Variants in EXOC4 observed in about 807,000 individuals in gnomAD.
EXOC4 encodes the protein SEC8-like 1.
A neutral mutation model predicts 107.2 loss-of-function variants in EXOC4; 71 were observed. The ratio of observed to expected loss-of-function variants is 0.66; its 90% CI spans 0.55 to 0.81. The LOEUF is 0.81. Among genes scored for constraint, EXOC4 ranks in the 30% least tolerant of loss-of-function variants. The pLI, the probability that EXOC4 is intolerant of heterozygous loss-of-function variation, is 0.00. For missense variants in EXOC4, 1,108 were observed against 1,189.6 expected (o/e 0.93, Z 1.01); for synonymous variants, 456 against 441.2 (o/e 1.03, Z -0.42).
chr7:133,546,205 A>T lies in EXOC4; in HGVS notation c.1417+66067A>T, dbSNP rs539730734. 7.9e-5 allele frequency among the ~76,000 whole-genome samples: 12 copies of T among 151,156 alleles called. No individual in the cohort carries two copies. In the East Asian group the frequency reaches 2.3e-3, roughly 29 times the overall value. Reference sequence around the variant, plus strand: ...TTTTTAAGATCAGATTTATTGATATATAGTTTACATACAGCAAAATTTCAC... The same window carrying T: ...TTTTTAAGATCAGATTTATTGATATTTAGTTTACATACAGCAAAATTTCAC... On this transcript the variant is annotated intron_variant, in intron 9 of 17. Coordinates refer to ENST00000253861, the MANE Select transcript of EXOC4 (RefSeq NM_021807.4).
intron 9 of EXOC4, among the ~76,000 whole-genome samples, chr7:133,513,474 A>G (rs1307160823): frequency 6.6e-6 from 1 of 152,230 alleles, no homozygotes; most frequent in Non-Finnish European, 1.5e-5. Context: ...TAAACATGAT[A>G]CACCTTTTAT....
At chr7:133,740,158 C>T (rs2151127628) in intron 10 of EXOC4, among the ~76,000 whole-genome samples, 1 of 152,212 alleles carries the variant, frequency 6.6e-6, no homozygotes, top group East Asian at 1.9e-4. Context: ...AATAGTAATA[C>T]TTGCTACCCT....
chr7:133,981,977 A>G (rs183969003), intron 14 of EXOC4, among the ~76,000 whole-genome samples: 5 of 152,316 alleles, frequency 3.3e-5, no homozygotes, highest in Non-Finnish European at 7.3e-5. Flanking sequence ...TCTGCAGGCC[A>G]TTATCTTTAG....
At position 133,305,874 on chromosome 7, in the gene EXOC4, C is replaced by T. The variant is rs1794741860; in HGVS notation, c.472-3C>T. 1.3e-6 allele frequency: 2 copies of T among 1,575,524 alleles called. No homozygotes were observed. The highest frequency in any genetic ancestry group is 1.4e-5 in the African/African-American group (1 of 72,730). On this transcript the variant is annotated splice_polypyrimidine_tract_variant and splice_region_variant and intron_variant, in intron 3 of 17. Transcript: ENST00000253861. ...ATTGTCTTTCATTTTTTTCTCTTTT[C>T]AGGTGTCAGCAGTTGAGTCTTTGGA...
At chr7:133,865,223 A>T (rs1433537288) in intron 11 of EXOC4, among the ~76,000 whole-genome samples, 1 of 152,166 alleles carries the variant, frequency 6.6e-6, no homozygotes, top group Non-Finnish European at 1.5e-5. Context: ...CCTTAAAAAA[A>T]ACCACTGTGT....
intron 7 of EXOC4, among the ~76,000 whole-genome samples, chr7:133,423,378 T>C (rs925733217): frequency 1.3e-5 from 2 of 152,222 alleles, no homozygotes; most frequent in African/African-American, 4.8e-5. Flanking sequence ...GCTGCTTAGA[T>C]ATTCTGTGTC....
intron 14 of EXOC4, among the ~76,000 whole-genome samples, chr7:133,940,600 T>C (rs1800403473): frequency 6.6e-6 from 1 of 152,174 alleles, no homozygotes; most frequent in East Asian, 1.9e-4. Flanking sequence ...AAGCCTGGTT[T>C]ATCCTACTAA....
chr7:133,288,093 A>C (rs1334407198), intron 2 of EXOC4, among the ~76,000 whole-genome samples: 1 of 152,234 alleles, frequency 6.6e-6, no homozygotes, highest in Non-Finnish European at 1.5e-5. Flanking sequence ...ATAAAAATAC[A>C]TGTGAGGACT....
rs181729328 is a variant in EXOC4, at chr7:133,425,960, G to A, written c.1183-49368G>A. ...TATTTCCTAAATGTATTTGATTGAC[G>A]TCTGATGCCTCCCTGAAATGTGTAA... On this transcript the variant is annotated intron_variant, in intron 7 of 17. Transcript: ENST00000253861. Among the ~76,000 whole-genome samples, 5 of 152,278 alleles carry A rather than the reference G, an allele frequency of 3.3e-5. No homozygotes were observed. In the East Asian group the frequency reaches 7.7e-4, roughly 24 times the overall value.
At chr7:134,007,989 T>C (rs867392623) in intron 17 of EXOC4, 154 bp downstream of exon 17, 1 of 649,768 alleles carries the variant, frequency 1.5e-6, no homozygotes, top group African/African-American at 1.8e-5. Context: ...ATAGAGAAAA[T>C]AATTCCACAG....
At chr7:133,371,542 A>G (rs1796377627) in intron 6 of EXOC4, among the ~76,000 whole-genome samples, 1 of 152,200 alleles carries the variant, frequency 6.6e-6, no homozygotes, top group East Asian at 1.9e-4. Flanking sequence ...TTCAAGGTTA[A>G]TTCCAGTTGT....
chr7:133,968,722 A>G (rs1315638831), intron 14 of EXOC4, among the ~76,000 whole-genome samples: 2 of 152,068 alleles, frequency 1.3e-5, no homozygotes, highest in Non-Finnish European at 2.9e-5. Context: ...TGTTAATCTG[A>G]TGGGCTTCCC....
chr7:133,790,654 G>A (rs1454459297), intron 10 of EXOC4, among the ~76,000 whole-genome samples: 1 of 152,234 alleles, frequency 6.6e-6, no homozygotes, highest in South Asian at 2.1e-4. Context: ...GAGCTAGGTT[G>A]TCCTTCTATT....
At chr7:133,999,425 C>A (rs775121409) in intron 15 of EXOC4, among the ~76,000 whole-genome samples, 3 of 152,154 alleles carry the variant, frequency 2.0e-5, no homozygotes, top group Non-Finnish European at 4.4e-5. Flanking sequence ...AGAGAAGTAA[C>A]ATTGCAGATT....
intron 6 of EXOC4, among the ~76,000 whole-genome samples, chr7:133,367,644 C>T (rs917858758): frequency 5.9e-5 from 9 of 152,150 alleles, no homozygotes; most frequent in African/African-American, 2.2e-4. Flanking sequence ...TGTTTTCTAA[C>T]GCCCCTAAAA....
chr7:133,764,092 G>A (rs1796088421), intron 10 of EXOC4, among the ~76,000 whole-genome samples: 1 of 152,078 alleles, frequency 6.6e-6, no homozygotes, highest in Non-Finnish European at 1.5e-5. Flanking sequence ...GGTTAGTTGT[G>A]AAGATGAGGT....
intron 10 of EXOC4, among the ~76,000 whole-genome samples, chr7:133,682,772 C>T (rs142952650): frequency 8.5e-5 from 13 of 152,300 alleles, no homozygotes; most frequent in South Asian, 2.1e-4. Flanking sequence ...AAACATCAGA[C>T]GCTTTTACCA....
chr7:133,746,155 C>T (rs1392180925), intron 10 of EXOC4, among the ~76,000 whole-genome samples: 1 of 151,958 alleles, frequency 6.6e-6, no homozygotes, highest in Non-Finnish European at 1.5e-5. Context: ...GTGGCCATTC[C>T]AACTCACAGC....
At chr7:133,747,300 G>A (rs969616556) in intron 10 of EXOC4, among the ~76,000 whole-genome samples, 8 of 152,124 alleles carry the variant, frequency 5.3e-5, no homozygotes, top group Admixed American at 2.0e-4. Context: ...GTATTGCAGC[G>A]AACACACCTA....
Sources: allele counts gnomAD v4.1 joint callset (sites outside exome capture counted in the v4.1 genomes callset), GRCh38; gene constraint gnomAD v4.1.1; transcripts MANE v1.5; gene names NCBI Gene and HGNC (gene_info 2026-07-23, HGNC 2026-07-21).